The following PTPRM variants were observed in gnomAD, a reference collection of about 807,000 sequenced individuals.
PTPRM encodes receptor-type tyrosine-protein phosphatase mu.
Under a neutral mutation model 186.7 loss-of-function variants are expected in PTPRM, and 47 were observed. That is an observed-to-expected ratio of 0.25 (90% CI 0.20 to 0.32). The LOEUF (loss-of-function observed/expected upper bound fraction) is 0.32, where lower values mean the gene tolerates loss of function less well. Among genes scored for constraint, PTPRM ranks in the 10% least tolerant of loss-of-function variants. PTPRM has a pLI of 1.00. For synonymous variants in PTPRM, 668 were observed against 674.9 expected, an observed-to-expected ratio of 0.99 and a Z score of 0.16; for missense variants, 1,494 against 1,865.0, an observed-to-expected ratio of 0.80 and a Z score of 3.66.
chr18:7,594,466 C>T (rs943409279), intron 1 of PTPRM, among the ~76,000 whole-genome samples: 9 of 151,126 alleles, frequency 6.0e-5, no homozygotes, highest in South Asian at 4.2e-4. Context: ...GGCGACAGAA[C>T]GAGACTCTGT....
At chr18:8,387,276 C>G in intron 31 of PTPRM, 41 bp downstream of exon 31, 1 of 1,571,910 alleles carries the variant, frequency 6.4e-7, no homozygotes, top group Non-Finnish European at 8.7e-7. Flanking sequence ...AACAGCGAGG[C>G]CCCACACTCA....
intron 1 of PTPRM, among the ~76,000 whole-genome samples, chr18:7,687,511 A>C (rs187535105): frequency 6.6e-6 from 1 of 152,316 alleles, no homozygotes; most frequent in East Asian, 1.9e-4. Context: ...ATGATAATTT[A>C]AAAATCCGCT....
chr18:8,200,232 T>C (rs2093835431), intron 14 of PTPRM, among the ~76,000 whole-genome samples: 1 of 152,082 alleles, frequency 6.6e-6, no homozygotes, highest in African/African-American at 2.4e-5. Context: ...GCAGACATCA[T>C]TGCCGTGGTG....
intron 7 of PTPRM, among the ~76,000 whole-genome samples, chr18:7,983,339 C>A (rs949532656): frequency 6.6e-6 from 1 of 152,006 alleles, no homozygotes. Context: ...AGTTTCATCC[C>A]GAAGCTATCC....
intron 1 of PTPRM, among the ~76,000 whole-genome samples, chr18:7,722,831 G>A (rs1159297770): frequency 6.6e-6 from 1 of 152,166 alleles, no homozygotes; most frequent in African/African-American, 2.4e-5. Context: ...CAGGGACAGA[G>A]AGCTCATGTA....
chr18:8,390,271 A>C lies in PTPRM; in HGVS notation c.4208+3036A>C, dbSNP rs76219680. ...TTGGTCTCCCTCACTCCATGTACAGAATCCCTTCTAGATAGATGGTAGACC... is the reference window on the plus strand; with the variant it reads ...TTGGTCTCCCTCACTCCATGTACAGCATCCCTTCTAGATAGATGGTAGACC... On this transcript the variant is annotated intron_variant, in intron 31 of 32. Transcript: ENST00000580170. Among the ~76,000 whole-genome samples, 87 of 152,356 alleles carry C rather than the reference A, an allele frequency of 5.7e-4. No individual in the cohort carries two copies. The East Asian group carries it at 0.016, about 28-fold the overall frequency.
intron 14 of PTPRM, among the ~76,000 whole-genome samples, chr18:8,235,459 T>C (rs1218877441): frequency 8.6e-5 from 5 of 58,318 alleles, no homozygotes; most frequent in African/African-American, 2.5e-4. Flanking sequence ...GTGTCTTCTT[T>C]TTTTTTTTTT....
At chr18:7,604,071 AT>A (rs1366100489) in intron 1 of PTPRM, among the ~76,000 whole-genome samples, 1 of 152,184 alleles carries the variant, frequency 6.6e-6, no homozygotes, top group Non-Finnish European at 1.5e-5. Flanking sequence ...TTTTCATTTG[AT>A]GTATTGATCA....
chr18:8,262,487 G>A (rs1050388702), intron 19 of PTPRM, among the ~76,000 whole-genome samples: 4 of 152,154 alleles, frequency 2.6e-5, no homozygotes, highest in Admixed American at 2.6e-4. Context: ...TTCTGCTCAT[G>A]TACTCGCCAC....
intron 18 of PTPRM, among the ~76,000 whole-genome samples, 173 bp from the exon 19 acceptor site, chr18:8,253,054 G>T (rs1413050267): frequency 6.6e-6 from 1 of 152,132 alleles, no homozygotes; most frequent in South Asian, 2.1e-4. Flanking sequence ...TATCAGTATT[G>T]CCAACCCCAT....
At position 8,306,601 on chromosome 18, in the gene PTPRM, T is replaced by C. The variant is rs552791626; in HGVS notation, c.2843-8180T>C. On this transcript the variant is annotated intron_variant, in intron 20 of 32. Transcript: ENST00000580170. ...ACCCCGTGGTTTTCATGGTTAGTAA[T>C]TGACCTGTTGTTAACCACAAAACTG... 2.5e-4 allele frequency among the ~76,000 whole-genome samples: 38 copies of C among 152,346 alleles called. 1 individual carries two copies. In the South Asian group the frequency reaches 7.7e-3, roughly 31 times the overall value.
intron 1 of PTPRM, among the ~76,000 whole-genome samples, chr18:7,688,898 C>T (rs1287786662): frequency 6.6e-6 from 1 of 152,184 alleles, no homozygotes; most frequent in Non-Finnish European, 1.5e-5. Context: ...TCTTGCCTCT[C>T]TAGTGCTGGA....
intron 11 of PTPRM, among the ~76,000 whole-genome samples, chr18:8,110,044 G>T (rs752984805): frequency 6.6e-6 from 1 of 152,160 alleles, no homozygotes; most frequent in Non-Finnish European, 1.5e-5. Flanking sequence ...AAGCATCGTT[G>T]TGACTATCGG....
intron 5 of PTPRM, among the ~76,000 whole-genome samples, chr18:7,931,782 T>A (rs1387885863): frequency 6.6e-6 from 1 of 152,270 alleles, no homozygotes; most frequent in African/African-American, 2.4e-5. Flanking sequence ...TGTATGGTTG[T>A]ATTAAAACCT....
At chr18:7,954,701 G>A (rs1032104526) in intron 6 of PTPRM, among the ~76,000 whole-genome samples, 1 of 152,042 alleles carries the variant, frequency 6.6e-6, no homozygotes, top group Non-Finnish European at 1.5e-5. Context: ...TTTGATATCT[G>A]TGTAACTGAC....
At chr18:8,020,427 T>C (rs569264841) in intron 7 of PTPRM, among the ~76,000 whole-genome samples, 13 of 152,312 alleles carry the variant, frequency 8.5e-5, no homozygotes, top group African/African-American at 2.4e-4. Flanking sequence ...TTCCTAGTCC[T>C]GTGACTGTTT....
At chr18:7,805,544 T>C (rs2044192433) in intron 2 of PTPRM, among the ~76,000 whole-genome samples, 1 of 152,226 alleles carries the variant, frequency 6.6e-6, no homozygotes, top group Non-Finnish European at 1.5e-5. Context: ...TCCCACTCCT[T>C]CTTTTGACAG....
At chr18:7,589,483 C>G (rs1441699404) in intron 1 of PTPRM, among the ~76,000 whole-genome samples, 1 of 152,108 alleles carries the variant, frequency 6.6e-6, no homozygotes, top group South Asian at 2.1e-4. Flanking sequence ...TGGAGCTGGG[C>G]CCTATGGCCC....
At chr18:8,401,378 T>A (rs949082517) in intron 32 of PTPRM, among the ~76,000 whole-genome samples, 11 of 152,198 alleles carry the variant, frequency 7.2e-5, no homozygotes, top group Admixed American at 2.0e-4. Context: ...TGAGCAGGGA[T>A]GAGAATTTAT....
Sources: gnomAD v4.1 joint callset for allele counts (sites outside exome capture counted in the v4.1 genomes callset) on GRCh38, gnomAD v4.1.1 for gene constraint, MANE v1.5 for transcripts, NCBI Gene and HGNC (gene_info 2026-07-23, HGNC 2026-07-21) for gene names.